Variants in VPS13A observed in about 807,000 individuals in gnomAD.
VPS13A encodes vacuolar protein sorting 13 homolog A, also known as intermembrane lipid transfer protein VPS13A.
In VPS13A, 264 loss-of-function variants were observed where a neutral mutation model predicts 390.9. The observed-to-expected ratio is 0.68, with a 90% confidence interval of 0.61 to 0.75. VPS13A has a LOEUF of 0.75. VPS13A is among the 30% of genes least tolerant of loss of function. The probability of loss-of-function intolerance (pLI) is 0.00; values close to 1 mark genes in which losing one functional copy is unlikely to be tolerated. For missense variants in VPS13A, 3,409 were observed against 3,733.9 expected (o/e 0.91, Z 2.27); for synonymous variants, 1,231 against 1,227.1 (o/e 1.00, Z -0.07).
At chr9:77,405,516 A>T (rs567685689) in intron 69 of VPS13A, among the ~76,000 whole-genome samples, 1 of 152,296 alleles carries the variant, frequency 6.6e-6, no homozygotes, top group African/African-American at 2.4e-5. Flanking sequence ...ATTGAGCATT[A>T]TGTTAGCTGC....
chr9:77,251,671 A>G (rs1220388203), intron 21 of VPS13A, among the ~76,000 whole-genome samples: 1 of 152,044 alleles, frequency 6.6e-6, no homozygotes, highest in East Asian at 1.9e-4. Flanking sequence ...TTTATTGTCT[A>G]TATTATGCTA....
rs541437077 is a variant in VPS13A at position 77,252,134 on chromosome 9, A to G, written c.2171-101A>G. 5.1e-6 allele frequency: 5 copies of G among 975,652 alleles called. No homozygotes were observed. The South Asian group carries it at 6.5e-5, about 13-fold the overall frequency. 60.4% of individuals were successfully genotyped at this position (975,652 alleles called of 1,614,324 possible). The stretch of plus-strand genomic sequence containing the variant: ...ATTAAGATTACCTAGATGTGGGGAA[A>G]TTTCCTCATATAATGGAATGTGTGA... On this transcript the variant is annotated intron_variant, in intron 21 of 71. Coordinates refer to ENST00000360280, the MANE Select transcript of VPS13A (RefSeq NM_033305.3).
chr9:77,313,114 C>T (rs956004940), intron 35 of VPS13A, among the ~76,000 whole-genome samples: 1 of 152,110 alleles, frequency 6.6e-6, no homozygotes, highest in Admixed American at 6.5e-5. Flanking sequence ...GTACATGCAG[C>T]AACATGGTTG....
At chr9:77,278,401 A>C (rs769791253) in intron 26 of VPS13A, among the ~76,000 whole-genome samples, 28 of 152,036 alleles carry the variant, frequency 1.8e-4, no homozygotes, top group Admixed American at 9.2e-4. Flanking sequence ...GTTTATTCTT[A>C]TGTTTGCTTT....
chr9:77,206,056 C>T lies in VPS13A; in HGVS notation c.362C>T (p.Ala121Val). 4 of 1,578,112 alleles carry T rather than the reference C, an allele frequency of 2.5e-6. No homozygotes were observed. The highest frequency in any genetic ancestry group is 3.4e-6 in the Non-Finnish European group (4 of 1,159,992). Residue 121 changes from alanine to valine, a missense_variant, in exon 5 of 72, where the codon GCA (alanine) becomes GTA (valine). Ala to Val is a moderately conservative substitution (Grantham distance 64). Around this residue, in one of 5 missense-constraint regions of VPS13A, gnomAD observed 2,717 missense variants for 2,917.4 expected, o/e 0.93. Coordinates refer to ENST00000360280, the MANE Select transcript of VPS13A (RefSeq NM_033305.3). ...KQQELKRIEE[A>V]KQKVVDQEQH... ...CAGGAACTGAAAAGAATAGAAGAAG[C>T]AAAACAAAAAGTAGTTGATCAAGGT... is the stretch of plus-strand genomic sequence containing the variant.
At chr9:77,244,046 T>C (rs1824661611) in intron 19 of VPS13A, among the ~76,000 whole-genome samples, 3 of 152,130 alleles carry the variant, frequency 2.0e-5, no homozygotes, top group Non-Finnish European at 4.4e-5. Flanking sequence ...GAGACCAGCC[T>C]GGACAACATA....
At chr9:77,218,335 A>G (rs1235098592) in intron 10 of VPS13A, among the ~76,000 whole-genome samples, 1 of 151,940 alleles carries the variant, frequency 6.6e-6, no homozygotes, top group Non-Finnish European at 1.5e-5. Flanking sequence ...GGATGGTCTC[A>G]ATCTTCTGAC....
At position 77,318,279 on chromosome 9, in the gene VPS13A, A is replaced by G; in HGVS notation, c.5001A>G (p.Ala1667=). ...ATACTATGATTACCATAACTTCAGC[A>G]CTGTATACAACTAAGGAAACCATCC... The part of the protein sequence containing the change: ...IINTMITITS[A]LYTTKETIPE... Residue 1667 remains alanine, a synonymous_variant, in exon 41 of 72, where the codon GCA becomes GCG. Coordinates refer to ENST00000360280, the MANE Select transcript of VPS13A (RefSeq NM_033305.3). The G allele has an allele frequency of 6.2e-7, 1 of 1,604,828 alleles. No individual in the cohort carries two copies. The highest frequency in any genetic ancestry group is 1.1e-5 in the South Asian group (1 of 88,762).
At chr9:77,258,431 C>T (rs1391198767) in intron 22 of VPS13A, among the ~76,000 whole-genome samples, 3 of 152,176 alleles carry the variant, frequency 2.0e-5, no homozygotes, top group Non-Finnish European at 4.4e-5. Flanking sequence ...GAGACCCACA[C>T]TCTTTTTTGT....
intron 21 of VPS13A, 94 bp from the exon 22 acceptor site, chr9:77,252,141 C>T (rs1398917379): frequency 1.7e-5 from 17 of 1,025,400 alleles, no homozygotes; most frequent in Non-Finnish European, 2.5e-5. Flanking sequence ...GAAATTTCCT[C>T]ATATAATGGA....
At chr9:77,382,804 A>G in intron 68 of VPS13A, 1 of 985,468 alleles carries the variant, frequency 1.0e-6, no homozygotes, top group Non-Finnish European at 1.2e-6. Flanking sequence ...AGTATCTTTT[A>G]ATAATACAAA....
intron 59 of VPS13A, among the ~76,000 whole-genome samples, chr9:77,361,632 C>T (rs939063358): frequency 6.6e-6 from 1 of 151,924 alleles, no homozygotes; most frequent in Non-Finnish European, 1.5e-5. Context: ...CAATTCCAAT[C>T]CTAGGTATAT....
chr9:77,258,905 C>CT (rs1825604371), intron 22 of VPS13A, among the ~76,000 whole-genome samples: 2 of 151,974 alleles, frequency 1.3e-5, no homozygotes, highest in African/African-American at 4.8e-5. Flanking sequence ...TGATATTTCT[C>CT]TGAGGGAAGA....
chr9:77,410,185 C>T (rs1834851810), intron 71 of VPS13A, among the ~76,000 whole-genome samples: 2 of 152,102 alleles, frequency 1.3e-5, no homozygotes, highest in African/African-American at 2.4e-5. Flanking sequence ...ATTTCATATC[C>T]AGCCAAACTA....
intron 68 of VPS13A, among the ~76,000 whole-genome samples, chr9:77,399,199 AAAAAAAC>A (rs1294109934): frequency 0.071 from 7,705 of 108,758 alleles, 101 homozygotes; most frequent in East Asian, 0.1. Flanking sequence ...AAAAAAAAAA[AAAAAAAC>A]AAAGGATACG....
At chr9:77,313,188 C>G (rs1829193076) in intron 35 of VPS13A, among the ~76,000 whole-genome samples, 1 of 152,022 alleles carries the variant, frequency 6.6e-6, no homozygotes, top group African/African-American at 2.4e-5. Flanking sequence ...CTGTATTACT[C>G]CATTTATATG....
intron 19 of VPS13A, among the ~76,000 whole-genome samples, chr9:77,244,873 A>G (rs1250530729): frequency 6.6e-6 from 1 of 152,064 alleles, no homozygotes; most frequent in Non-Finnish European, 1.5e-5. Flanking sequence ...TGAAAATTCA[A>G]CATTAAGATC....
intron 20 of VPS13A, among the ~76,000 whole-genome samples, chr9:77,249,572 T>C (rs963327029): frequency 6.6e-6 from 1 of 152,200 alleles, no homozygotes; most frequent in Non-Finnish European, 1.5e-5. Context: ...TGTGGAGTCA[T>C]CTCCAGGATG....
chr9:77,294,118 A>C lies in VPS13A; in HGVS notation c.3507+610A>C, dbSNP rs142437391. Among the ~76,000 whole-genome samples, 1,287 of 151,542 alleles carry C rather than the reference A, an allele frequency of 8.5e-3. 10 individuals are homozygous for C. Among genetic ancestry groups the C allele is most frequent in the South Asian group, 0.014 (66 of 4,772 alleles). On this transcript the variant is annotated intron_variant, in intron 32 of 71. Transcript: ENST00000360280. ...CAAGTTTTTATAGAGATGGGGTCTT[A>C]CTCTGTTGCCCAGTCTGGTCTTGAA...
Sources: gnomAD v4.1 joint callset for allele counts (sites outside exome capture counted in the v4.1 genomes callset) on GRCh38, gnomAD v4.1.1 for gene constraint, gnomAD v4.1.1 regional missense constraint, MANE v1.5 for transcripts, NCBI Gene and HGNC (gene_info 2026-07-23, HGNC 2026-07-21) for gene names.